The following CPNE4 variants were observed in gnomAD, a reference collection of about 807,000 sequenced individuals.
CPNE4 encodes the protein copine-4.
Under a neutral mutation model 67.9 loss-of-function variants are expected in CPNE4, and 25 were observed. The ratio of observed to expected loss-of-function variants is 0.37; its 90% confidence interval spans 0.27 to 0.51. The LOEUF is 0.51. CPNE4 is among the 20% of genes least tolerant of loss of function. The pLI, the probability that CPNE4 is intolerant of heterozygous loss-of-function variation, is 0.93. For missense variants in CPNE4, 464 were observed against 690.8 expected, an observed-to-expected ratio of 0.67 and a Z score of 3.68; for synonymous variants, 242 against 244.9, an observed-to-expected ratio of 0.99 and a Z score of 0.11.
intron 2 of CPNE4, among the ~76,000 whole-genome samples, chr3:131,802,123 G>A (rs1390098095): frequency 6.6e-6 from 1 of 152,126 alleles, no homozygotes; most frequent in Non-Finnish European, 1.5e-5. Context: ...CTGGTCACCT[G>A]ATCAAAGTAG....
chr3:131,818,445 A>C (rs2084833156), intron 2 of CPNE4, among the ~76,000 whole-genome samples: 1 of 152,174 alleles, frequency 6.6e-6, no homozygotes, highest in Non-Finnish European at 1.5e-5. Flanking sequence ...TATAGGATAA[A>C]GACTAATTAA....
At chr3:131,748,144 T>C (rs1266460182) in intron 2 of CPNE4, among the ~76,000 whole-genome samples, 2 of 152,078 alleles carry the variant, frequency 1.3e-5, no homozygotes, top group African/African-American at 4.8e-5. Context: ...AATGTAATAT[T>C]AACAGGATTA....
intron 1 of CPNE4, among the ~76,000 whole-genome samples, chr3:131,967,001 A>G (rs2072369425): frequency 6.6e-6 from 1 of 152,236 alleles, no homozygotes; most frequent in Non-Finnish European, 1.5e-5. Context: ...TGAATCCAGC[A>G]GCACATCAAA....
At chr3:131,988,826 G>T (rs369035226) in intron 1 of CPNE4, among the ~76,000 whole-genome samples, 43 of 152,218 alleles carry the variant, frequency 2.8e-4, no homozygotes, top group African/African-American at 1.0e-3. Context: ...CTTTTTCCAT[G>T]GTCAGCATAG....
chr3:131,994,919 T>A (rs1296840678), intron 1 of CPNE4, among the ~76,000 whole-genome samples: 2 of 152,228 alleles, frequency 1.3e-5, no homozygotes, highest in Non-Finnish European at 1.5e-5. Context: ...TGCCAAACAA[T>A]TTTTTAATAA....
intron 2 of CPNE4, among the ~76,000 whole-genome samples, chr3:131,853,809 G>T (rs1177711231): frequency 6.6e-6 from 1 of 151,774 alleles, no homozygotes; most frequent in East Asian, 1.9e-4. Context: ...ACATTATTTA[G>T]TCATCAAGGA....
intron 7 of CPNE4, among the ~76,000 whole-genome samples, chr3:131,637,458 C>A (rs962418562): frequency 2.6e-5 from 4 of 152,050 alleles, no homozygotes; most frequent in African/African-American, 9.7e-5. Context: ...AGCTCAAACA[C>A]AAGACTTTCA....
chr3:131,763,250 A>C (rs1330437561), intron 2 of CPNE4, among the ~76,000 whole-genome samples: 1 of 152,136 alleles, frequency 6.6e-6, no homozygotes, highest in Non-Finnish European at 1.5e-5. Context: ...TTAATAACTG[A>C]GATAACATGA....
At chr3:131,997,840 C>G (rs963373658) in intron 1 of CPNE4, among the ~76,000 whole-genome samples, 12 of 152,070 alleles carry the variant, frequency 7.9e-5, no homozygotes, top group Non-Finnish European at 1.8e-4. Flanking sequence ...ATCTTGCAAG[C>G]AGCAGAGAAA....
At chr3:131,929,153 T>C (rs1421620297) in intron 1 of CPNE4, among the ~76,000 whole-genome samples, 2 of 148,570 alleles carry the variant, frequency 1.3e-5, no homozygotes, top group Non-Finnish European at 3.0e-5. Flanking sequence ...TCTTCTCCTC[T>C]TCTCCTTTCT....
intron 10 of CPNE4, among the ~76,000 whole-genome samples, chr3:131,565,849 A>G (rs1002243109): frequency 6.6e-6 from 1 of 151,880 alleles, no homozygotes; most frequent in Non-Finnish European, 1.5e-5. Flanking sequence ...TATCTGAAGA[A>G]AAATTGCAGT....
intron 7 of CPNE4, among the ~76,000 whole-genome samples, chr3:131,648,294 G>A (rs1451603943): frequency 6.6e-6 from 1 of 152,200 alleles, no homozygotes; most frequent in Non-Finnish European, 1.5e-5. Flanking sequence ...GACTGCTTGA[G>A]CCCAGGAAGC....
At chr3:131,937,215 CA>C (rs2071249203) in intron 1 of CPNE4, among the ~76,000 whole-genome samples, 1 of 152,032 alleles carries the variant, frequency 6.6e-6, no homozygotes, top group South Asian at 2.1e-4. Context: ...GAAATGTATA[CA>C]AAAATAGTCA....
At chr3:131,618,732 A>G (rs901178069) in intron 7 of CPNE4, among the ~76,000 whole-genome samples, 2 of 152,162 alleles carry the variant, frequency 1.3e-5, no homozygotes, top group Non-Finnish European at 2.9e-5. Flanking sequence ...TGGCATATCA[A>G]TCAAAGCCAT....
intron 1 of CPNE4, among the ~76,000 whole-genome samples, chr3:131,950,693 A>G (rs1481370743): frequency 6.6e-6 from 1 of 152,246 alleles, no homozygotes. Context: ...ACTTACAAGT[A>G]GTATTCCTGG....
intron 2 of CPNE4, among the ~76,000 whole-genome samples, chr3:131,747,306 G>A (rs1369619474): frequency 6.6e-6 from 1 of 151,724 alleles, no homozygotes; most frequent in Non-Finnish European, 1.5e-5. Flanking sequence ...GTCTATCTTT[G>A]CTTTTGTTGT....
intron 11 of CPNE4, among the ~76,000 whole-genome samples, chr3:131,561,221 T>A (rs1400193713): frequency 1.3e-5 from 2 of 152,034 alleles, no homozygotes; most frequent in Non-Finnish European, 2.9e-5. Context: ...TTTCAGGTTT[T>A]CAGAGACCCA....
chr3:131,801,779 A>G (rs967352682), intron 2 of CPNE4, among the ~76,000 whole-genome samples: 7 of 149,996 alleles, frequency 4.7e-5, no homozygotes, highest in East Asian at 2.0e-4. Context: ...CTGAGTGCTG[A>G]TAAGTATTCA....
chr3:131,808,723 T>C (rs2084415478), intron 2 of CPNE4, among the ~76,000 whole-genome samples: 1 of 152,184 alleles, frequency 6.6e-6, no homozygotes, highest in African/African-American at 2.4e-5. Context: ...AGAAAACCTA[T>C]CTAATAAACT....
Sources: gnomAD v4.1 joint callset for allele counts (sites outside exome capture counted in the v4.1 genomes callset) on GRCh38, gnomAD v4.1.1 for gene constraint, MANE v1.5 for transcripts, NCBI Gene and HGNC (gene_info 2026-07-23, HGNC 2026-07-21) for gene names.